The following HSD17B12 variants were observed in gnomAD, a reference collection of about 807,000 sequenced individuals.
HSD17B12 encodes very-long-chain 3-oxoacyl-CoA reductase.
HSD17B12 carries 32 observed loss-of-function variants against 39.3 expected under a neutral mutation model. The observed-to-expected ratio is 0.81, with a 90% CI of 0.61 to 1.09. HSD17B12 has a LOEUF of 1.09. Among genes scored for constraint, HSD17B12 ranks in the 50% least tolerant of loss-of-function variants. The probability of loss-of-function intolerance (pLI) is 0.00; values close to 1 mark genes in which losing one functional copy is unlikely to be tolerated. For missense variants in HSD17B12, 342 were observed against 382.9 expected (o/e 0.89, Z 0.89); for synonymous variants, 150 against 146.7 (o/e 1.02, Z -0.16).
the HSD17B12 span, among the ~76,000 whole-genome samples, chr11:43,599,046 T>C: frequency 6.6e-6 from 1 of 152,250 alleles, no homozygotes. Context: ...AGAATCTGTC[T>C]GTTAGTAAAT....
At chr11:43,716,192 C>T (rs973778222) in intron 1 of HSD17B12, among the ~76,000 whole-genome samples, 1 of 152,158 alleles carries the variant, frequency 6.6e-6, no homozygotes, top group Non-Finnish European at 1.5e-5. Flanking sequence ...AGGTTTTCTT[C>T]TGTGCTTTTG....
At chr11:43,829,868 A>AT (rs1213683734) in intron 6 of HSD17B12, 1 of 152,020 alleles carries the variant, frequency 6.6e-6, no homozygotes, top group Non-Finnish European at 1.5e-5. Context: ...AATGTGCTAA[A>AT]TAAAAAAAAA....
At chr11:43,757,030 A>G (rs1950512966) in intron 3 of HSD17B12, among the ~76,000 whole-genome samples, 1 of 152,216 alleles carries the variant, frequency 6.6e-6, no homozygotes, top group Admixed American at 6.5e-5. Flanking sequence ...TCAGCAGACT[A>G]TGTCTTCTGT....
At chr11:43,731,587 G>A (rs1024523562) in intron 1 of HSD17B12, among the ~76,000 whole-genome samples, 31 of 152,160 alleles carry the variant, frequency 2.0e-4, no homozygotes, top group Non-Finnish European at 5.9e-5. Flanking sequence ...AGAACAAAAA[G>A]GGTCATAAAT....
intron 9 of HSD17B12, chr11:43,852,116 G>GA (rs1387062655): frequency 6.6e-6 from 1 of 152,100 alleles, no homozygotes; most frequent in Non-Finnish European, 1.5e-5. Flanking sequence ...TTCTTAGCTG[G>GA]AAAAACATAA....
chr11:43,686,815 TTAG>T (rs1243060745), intron 1 of HSD17B12, among the ~76,000 whole-genome samples: 1 of 152,294 alleles, frequency 6.6e-6, no homozygotes, highest in African/African-American at 2.4e-5. Context: ...ATTATTAGCC[TTAG>T]TAGCACTGTG....
the HSD17B12 span, among the ~76,000 whole-genome samples, chr11:43,582,818 G>A: frequency 6.6e-6 from 1 of 152,158 alleles, no homozygotes; most frequent in South Asian, 2.1e-4. Flanking sequence ...AGCACTCCAA[G>A]CTCTAAGGCT....
At chr11:43,708,221 A>G (rs1950033031) in intron 1 of HSD17B12, among the ~76,000 whole-genome samples, 1 of 152,230 alleles carries the variant, frequency 6.6e-6, no homozygotes, top group African/African-American at 2.4e-5. Context: ...TACTTTTAAC[A>G]CAAATAAAAG....
intron 3 of HSD17B12, among the ~76,000 whole-genome samples, chr11:43,795,291 A>G (rs1950906605): frequency 6.6e-6 from 1 of 152,220 alleles, no homozygotes; most frequent in Middle Eastern, 3.4e-3. Context: ...ACAGGCACAC[A>G]CCATCGTTCT....
chr11:43,786,909 C>T (rs928427105), intron 3 of HSD17B12, among the ~76,000 whole-genome samples: 1 of 151,958 alleles, frequency 6.6e-6, no homozygotes, highest in African/African-American at 2.4e-5. Flanking sequence ...TTATATGGTA[C>T]CTTTAGGGAA....
chr11:43,682,353 C>T lies in HSD17B12; in HGVS notation c.160+1366C>T, dbSNP rs540195313. ...GGATCACAAGGTCAGGAGTTTGAGA[C>T]CAGCCTGACCAACACGGTGAAACCC... On this transcript the variant is annotated intron_variant, in intron 1 of 10. Coordinates refer to ENST00000278353, the MANE Select transcript of HSD17B12 (RefSeq NM_016142.3). Among the ~76,000 whole-genome samples the T allele has an allele frequency of 4.6e-5, 7 of 152,234 alleles. No homozygotes were observed. The Middle Eastern group carries it at 0.01, about 222-fold the overall frequency.
At chr11:43,824,692 A>C (rs1179176776) in intron 6 of HSD17B12, among the ~76,000 whole-genome samples, 3 of 152,192 alleles carry the variant, frequency 2.0e-5, no homozygotes, top group South Asian at 4.1e-4. Flanking sequence ...AGGTTTGAAC[A>C]TACAAGTTTT....
At chr11:43,630,805 CTTTTTTT>C in the HSD17B12 span, among the ~76,000 whole-genome samples, 4 of 137,992 alleles carry the variant, frequency 2.9e-5, no homozygotes, top group Admixed American at 7.3e-5. Context: ...TTTTTTCTTT[CTTTTTTT>C]TTTTTTTTTG....
chr11:43,649,309 T>TTA, the HSD17B12 span, among the ~76,000 whole-genome samples: 1 of 151,958 alleles, frequency 6.6e-6, no homozygotes, highest in Non-Finnish European at 1.5e-5. Context: ...AGAAATGGCT[T>TTA]TATATATATA....
chr11:43,573,257 A>G, the HSD17B12 span, among the ~76,000 whole-genome samples: 10 of 152,206 alleles, frequency 6.6e-5, no homozygotes. Flanking sequence ...TTAGTACAGG[A>G]TGATGAGACA....
chr11:43,670,978 A>G, the HSD17B12 span, among the ~76,000 whole-genome samples: 2 of 152,200 alleles, frequency 1.3e-5, no homozygotes, highest in Non-Finnish European at 2.9e-5. Context: ...TTAGAAAAAA[A>G]AAGTGTGGGT....
the HSD17B12 span, among the ~76,000 whole-genome samples, chr11:43,585,488 G>A: frequency 1.4e-4 from 21 of 152,310 alleles, no homozygotes; most frequent in Non-Finnish European, 2.4e-4. Context: ...AGCACATTAC[G>A]TGGAAGATCT....
the HSD17B12 span, among the ~76,000 whole-genome samples, chr11:43,574,897 AG>A: frequency 6.6e-6 from 1 of 152,174 alleles, no homozygotes; most frequent in South Asian, 2.1e-4. Context: ...ATTCAACAAA[AG>A]TTATTTATTC....
At chr11:43,590,504 TGA>T in the HSD17B12 span, among the ~76,000 whole-genome samples, 3 of 104,148 alleles carry the variant, frequency 2.9e-5, no homozygotes, top group East Asian at 2.8e-4. Flanking sequence ...GTGGAGTGAG[TGA>T]TTTTTTTTTT....
Sources: allele counts gnomAD v4.1 joint callset (sites outside exome capture counted in the v4.1 genomes callset), GRCh38; gene constraint gnomAD v4.1.1; transcripts MANE v1.5; gene names NCBI Gene and HGNC (gene_info 2026-07-23, HGNC 2026-07-21).